The following TTC28 variants were observed in gnomAD, a reference collection of about 807,000 sequenced individuals.
The protein encoded by TTC28 is tetratricopeptide repeat protein 28.
In TTC28, 61 loss-of-function variants were observed where a neutral mutation model predicts 198.0. The ratio of observed to expected loss-of-function variants is 0.31; its 90% CI spans 0.25 to 0.38. The LOEUF is 0.38. TTC28 is among the 10% of genes least tolerant of loss of function. TTC28 has a pLI of 1.00. For synonymous variants in TTC28, 1,171 were observed against 1,297.8 expected (o/e 0.90, Z 2.10); for missense variants, 2,678 against 3,164.0 (o/e 0.85, Z 3.69).
In TTC28 at chr22:28,105,501, C is replaced by T; in HGVS notation, c.3085G>A (p.Glu1029Lys). Residue 1029 changes from glutamate to lysine, a missense_variant, in exon 8 of 23, where the codon GAA becomes AAA. Glu to Lys is a moderately conservative substitution (Grantham distance 56). This residue lies in a region of TTC28 where 727 missense variants were observed against 861.9 expected (regional missense o/e 0.84). Coordinates refer to ENST00000397906, the MANE Select transcript of TTC28 (RefSeq NM_001145418.2). ...CCCTGGCACGTGGGGTTGTTGGTTT[C>T]CTCTGCTATCTGTAGATCAAGCTGG... ...YHQLDLQIAE[E>K]TNNPTCQGRA... 1 of 1,551,672 alleles carries T rather than the reference C, an allele frequency of 6.4e-7. No homozygotes were observed. The highest frequency in any genetic ancestry group is 1.2e-5 in the South Asian group (1 of 84,058).
At chr22:28,150,358 T>G (rs5762497) in intron 6 of TTC28, among the ~76,000 whole-genome samples, 17,974 of 152,208 alleles carry the variant, frequency 0.12, 1,163 homozygotes, top group Middle Eastern at 0.24. Flanking sequence ...GAATTCTCCA[T>G]GAAGGAGAAC....
intron 12 of TTC28, among the ~76,000 whole-genome samples, chr22:28,045,481 A>C (rs1417843979): frequency 1.3e-5 from 2 of 152,208 alleles, no homozygotes; most frequent in Non-Finnish European, 2.9e-5. Flanking sequence ...TTTCTTCTTC[A>C]TGGGTAAAAT....
intron 13 of TTC28, among the ~76,000 whole-genome samples, chr22:28,024,128 C>A (rs1938724988): frequency 6.6e-6 from 1 of 151,982 alleles, no homozygotes; most frequent in African/African-American, 2.4e-5. Flanking sequence ...AGTGACTGAG[C>A]CTCAGGCGAG....
chr22:27,990,674 G>T, intron 20 of TTC28, 115 bp downstream of exon 20: 1 of 1,026,830 alleles, frequency 9.7e-7, no homozygotes, highest in Non-Finnish European at 1.4e-6. Context: ...CGCAGCCCGT[G>T]TGGCTCCGTT....
chr22:28,390,435 C>G (rs1326495328), intron 2 of TTC28, among the ~76,000 whole-genome samples: 1 of 152,076 alleles, frequency 6.6e-6, no homozygotes, highest in Non-Finnish European at 1.5e-5. Flanking sequence ...CTAATGTTGA[C>G]AGTGGGGTGT....
intron 2 of TTC28, among the ~76,000 whole-genome samples, chr22:28,496,282 T>A (rs1055797160): frequency 6.6e-6 from 1 of 152,098 alleles, no homozygotes; most frequent in South Asian, 2.1e-4. Context: ...CTCCCTGAAC[T>A]CCAGATTGCT....
chr22:28,616,797 T>G (rs1443547841), intron 2 of TTC28, among the ~76,000 whole-genome samples: 2 of 151,414 alleles, frequency 1.3e-5, no homozygotes, highest in South Asian at 4.2e-4. Context: ...CAGTGGGCTG[T>G]GATCATGCCA....
intron 2 of TTC28, among the ~76,000 whole-genome samples, chr22:28,328,794 AT>A (rs754646900): frequency 0.099 from 13,678 of 137,570 alleles, 796 homozygotes; most frequent in African/African-American, 0.13. Flanking sequence ...AATAATAATA[AT>A]AATAATAATA....
chr22:28,329,027 A>C (rs1330929721), intron 2 of TTC28, among the ~76,000 whole-genome samples: 4 of 151,926 alleles, frequency 2.6e-5, no homozygotes, highest in Non-Finnish European at 5.9e-5. Context: ...AACTTACCCA[A>C]GTTGCACAGA....
chr22:28,116,106 CT>C (rs1400960656), intron 6 of TTC28, among the ~76,000 whole-genome samples: 2 of 152,176 alleles, frequency 1.3e-5, no homozygotes, highest in Non-Finnish European at 2.9e-5. Context: ...AAGACTCCCC[CT>C]GATGCTAACT....
intron 12 of TTC28, among the ~76,000 whole-genome samples, chr22:28,074,972 C>T (rs1242608990): frequency 2.6e-5 from 4 of 151,988 alleles, no homozygotes; most frequent in African/African-American, 9.7e-5. Context: ...TGGTGGTGCA[C>T]GTCTGTAATC....
chr22:28,638,551 T>C (rs147306585), intron 1 of TTC28, among the ~76,000 whole-genome samples: 1 of 152,150 alleles, frequency 6.6e-6, no homozygotes, highest in African/African-American at 2.4e-5. Flanking sequence ...ACATGATAAA[T>C]GGCTAGTTTT....
intron 5 of TTC28, among the ~76,000 whole-genome samples, chr22:28,282,244 A>G (rs769569295): frequency 5.9e-5 from 9 of 152,206 alleles, no homozygotes; most frequent in Non-Finnish European, 8.8e-5. Context: ...CTTTGCCAGA[A>G]GCAGAATCTT....
At chr22:28,251,096 T>C (rs967236615) in intron 5 of TTC28, among the ~76,000 whole-genome samples, 1 of 152,248 alleles carries the variant, frequency 6.6e-6, no homozygotes, top group Non-Finnish European at 1.5e-5. Flanking sequence ...GAAAGATGGC[T>C]ATGACTGGTT....
At chr22:28,467,888 T>C (rs2146292746) in intron 2 of TTC28, among the ~76,000 whole-genome samples, 2 of 152,092 alleles carry the variant, frequency 1.3e-5, no homozygotes, top group East Asian at 3.9e-4. Context: ...CAGCCTCCTG[T>C]GTAGCTGGGA....
intron 13 of TTC28, among the ~76,000 whole-genome samples, chr22:28,025,477 T>C (rs1938794458): frequency 6.6e-6 from 1 of 152,164 alleles, no homozygotes; most frequent in African/African-American, 2.4e-5. Context: ...GGCCTAGACC[T>C]AGGAAGATAG....
At chr22:28,094,614 T>A (rs771679057) in intron 11 of TTC28, among the ~76,000 whole-genome samples, 1 of 152,216 alleles carries the variant, frequency 6.6e-6, no homozygotes, top group Non-Finnish European at 1.5e-5. Flanking sequence ...ATATTCCTTA[T>A]AGAAATTGAA....
At chr22:28,140,767 A>G (rs1192732306) in intron 6 of TTC28, among the ~76,000 whole-genome samples, 1 of 152,230 alleles carries the variant, frequency 6.6e-6, no homozygotes, top group Non-Finnish European at 1.5e-5. Flanking sequence ...TTACATATTT[A>G]TTTAAATAAA....
intron 6 of TTC28, among the ~76,000 whole-genome samples, chr22:28,136,412 G>A (rs950042868): frequency 6.6e-6 from 1 of 152,158 alleles, no homozygotes; most frequent in African/African-American, 2.4e-5. Context: ...CTCCCAAGGT[G>A]CTGGGATTAT....
Sources: allele counts gnomAD v4.1 joint callset (sites outside exome capture counted in the v4.1 genomes callset), GRCh38; gene constraint gnomAD v4.1.1; regional missense constraint gnomAD v4.1.1; transcripts MANE v1.5; gene names NCBI Gene and HGNC (gene_info 2026-07-23, HGNC 2026-07-21).